Variants in PABPC4 observed in about 807,000 individuals in gnomAD.
PABPC4 encodes the protein polyadenylate-binding protein 4.
In PABPC4, 15 loss-of-function variants were observed where a neutral mutation model predicts 74.5. The observed-to-expected ratio is 0.20, with a 90% CI of 0.13 to 0.31. PABPC4 has a LOEUF of 0.31. Ranked by LOEUF, PABPC4 falls within the 10% of genes least tolerant of loss-of-function variation. The pLI is 1.00. For missense variants in PABPC4, 610 were observed against 853.5 expected (o/e 0.71, Z 3.55); for synonymous variants, 345 against 303.0 (o/e 1.14, Z -1.44).
intron 8 of PABPC4, 79 bp downstream of exon 8, chr1:39,565,018 CTAATAACGA>C: frequency 7.1e-7 from 1 of 1,412,614 alleles, no homozygotes; most frequent in Non-Finnish European, 9.8e-7. Flanking sequence ...TTCTAGAACT[CTAATAACGA>C]AAAATCCCTC....
At chr1:39,561,630 C>T (rs1442288840) in intron 15 of PABPC4, 55 bp downstream of exon 15, 4 of 1,244,396 alleles carry the variant, frequency 3.2e-6, no homozygotes, top group Admixed American at 3.5e-5. Context: ...ACCACAAAGA[C>T]AATGCTCATA....
In PABPC4 at chr1:39,572,546, CT is replaced by C. The variant is rs1292817862; in HGVS notation, c.233del (p.Lys78ArgfsTer16). The C allele has an allele frequency of 6.2e-7, 1 of 1,613,962 alleles. No homozygotes were observed. Among genetic ancestry groups the C allele is most frequent in the African/African-American group, 1.3e-5 (1 of 74,902 alleles). Reference sequence around the variant, plus strand: ...ACCACATGATGCGGATTGGCTTTCCCTTAATCACATCAAAGTTCATGGTGTC... The same window carrying C: ...ACCACATGATGCGGATTGGCTTTCCCTAATCACATCAAAGTTCATGGTGTC... ...ALDTMNFDVI[K>X]GKPIRIMWSQ... On this transcript the variant is annotated frameshift_variant, in exon 2 of 16. Transcript: ENST00000372858. LOFTEE classifies it high-confidence loss of function.
In PABPC4 at chr1:39,575,989, A is replaced by T. The variant is rs894794893; in HGVS notation, c.-38T>A. On this transcript the variant is annotated 5_prime_UTR_variant, in exon 1 of 16. Coordinates refer to ENST00000372858, the MANE Select transcript of PABPC4 (RefSeq NM_001135653.2). ...CACCACCCCGAGCCCCGCCAGGAGG[A>T]CTTCTTATCGGGCCCGCCGCAGGAC... 4 of 1,354,488 alleles carry T rather than the reference A, an allele frequency of 3.0e-6. No individual in the cohort carries two copies. The South Asian group carries it at 5.9e-5, about 20-fold the overall frequency. 83.9% of individuals were successfully genotyped at this position (1,354,488 alleles called of 1,614,324 possible).
chr1:39,565,105 C>G lies in PABPC4; in HGVS notation c.1245+1G>C. On this transcript the variant is annotated splice_donor_variant, in intron 8 of 15. Coordinates refer to ENST00000372858, the MANE Select transcript of PABPC4 (RefSeq NM_001135653.2). LOFTEE classifies it high-confidence loss of function. ...GAGCTGTGACCAAACAGCACACCCA[C>G]CTGTGGGACTGCTGGCACAAAGTAG... is the stretch of plus-strand genomic sequence containing the variant. 6.2e-7 allele frequency: 1 copy of G among 1,613,612 alleles called. No homozygotes were observed. Among genetic ancestry groups the G allele is most frequent in the Non-Finnish European group, 8.5e-7 (1 of 1,179,962 alleles).
Position 39,575,986 on chromosome 1 carries a change from A to C in PABPC4, c.-35T>G. ...CCCCACCACCCCGAGCCCCGCCAGG[A>C]GGACTTCTTATCGGGCCCGCCGCAG... On this transcript the variant is annotated 5_prime_UTR_variant, in exon 1 of 16. Transcript: ENST00000372858. The C allele has an allele frequency of 1.2e-5, 17 of 1,374,668 alleles. No individual in the cohort carries two copies. Among genetic ancestry groups the C allele is most frequent in the Non-Finnish European group, 1.7e-5 (17 of 1,029,814 alleles). The allele number at this position is 1,374,668 out of a possible 1,614,324, so 85.2% of individuals were successfully genotyped here. A position where few individuals can be genotyped will look rare whatever the true frequency, so the allele number is the denominator to read the frequency against.
In PABPC4 at chr1:39,564,424, G is replaced by A. The variant is rs768334512; in HGVS notation, c.1452C>T (p.Val484=). 12 of 1,613,470 alleles carry A rather than the reference G, an allele frequency of 7.4e-6. No individual in the cohort carries two copies. The highest frequency in any genetic ancestry group is 6.7e-5 in the Admixed American group (4 of 59,996). Residue 484 remains valine, a splice_region_variant and synonymous_variant, in exon 10 of 16, where the codon GTC becomes GTT. Coordinates refer to ENST00000372858, the MANE Select transcript of PABPC4 (RefSeq NM_001135653.2). ...ACTTCTAAAGGCCAGTTTGCTCACC[G>A]ACTCTCTGAGTGGTAGTAGGGAGGC... ...SRGLPTTTQR[V]GSECPDRLAM... is the part of the protein sequence containing the mutation.
intron 14 of PABPC4, 121 bp downstream of exon 14, chr1:39,561,952 G>C: frequency 8.1e-7 from 1 of 1,239,854 alleles, no homozygotes; most frequent in Non-Finnish European, 1.1e-6. Flanking sequence ...CACAGTCAAG[G>C]CATGACGAGA....
intron 7 of PABPC4, 175 bp downstream of exon 7, chr1:39,567,576 T>C (rs1052066953): frequency 2.0e-5 from 14 of 696,586 alleles, no homozygotes; most frequent in Non-Finnish European, 3.5e-5. Context: ...AACAGTGTAA[T>C]GTTAACCTAA....
intron 1 of PABPC4, 52 bp downstream of exon 1, chr1:39,575,707 C>T (rs1646015225): frequency 7.0e-7 from 1 of 1,438,176 alleles, no homozygotes; most frequent in Non-Finnish European, 9.3e-7. Context: ...CAGAAGACGA[C>T]TCCCGGGGTC....
chr1:39,571,157 T>G, intron 3 of PABPC4, 77 bp downstream of exon 3: 1 of 1,606,430 alleles, frequency 6.2e-7, no homozygotes, highest in South Asian at 1.1e-5. Context: ...GTAGCCGCCT[T>G]GTGTGTGCCA....
rs1243548854 is a variant in PABPC4 at position 39,565,037 on chromosome 1, C to G, written c.1245+69G>C. The G allele has an allele frequency of 3.3e-6, 5 of 1,532,354 alleles. No individual in the cohort carries two copies. The African/African-American group carries it at 6.8e-5, about 21-fold the overall frequency. 94.9% of individuals were successfully genotyped at this position (1,532,354 alleles called of 1,614,324 possible). ...AGAACTCTAATAACGAAAAATCCCT[C>G]TCCCCAACCACTGCAGAATACTGCC... is the stretch of plus-strand genomic sequence containing the variant. On this transcript the variant is annotated intron_variant, in intron 8 of 15. Transcript: ENST00000372858.
At chr1:39,575,620 C>T in intron 1 of PABPC4, 139 bp downstream of exon 1, 3 of 639,788 alleles carry the variant, frequency 4.7e-6, no homozygotes, top group Non-Finnish European at 7.7e-6. Context: ...TCCGCGTTCT[C>T]AATCTCCGCA....
In PABPC4 at chr1:39,564,692, G is replaced by A; in HGVS notation, c.1327C>T (p.Pro443Ser). 1.2e-6 allele frequency: 2 copies of A among 1,613,916 alleles called. No homozygotes were observed. The highest frequency in any genetic ancestry group is 1.7e-6 in the Non-Finnish European group (2 of 1,179,878). Residue 443 changes from proline (P) to serine (S), a missense_variant, in exon 9 of 16, where the codon CCT becomes TCT. This residue lies in a region of PABPC4 where 277 missense variants were observed against 301.8 expected (regional missense o/e 0.92). Coordinates refer to ENST00000372858, the MANE Select transcript of PABPC4 (RefSeq NM_001135653.2). Reference protein sequence around the residue: ...PNPRWQQGGRPQGFQGMPSAI... With the variant: ...PNPRWQQGGRSQGFQGMPSAI... ...ACTGTTCCCCACCACCTACCTTGAG[G>A]TCTCCCACCTTGCTGCCAGCGTGGA...
chr1:39,572,329 G>C (rs963212260), intron 2 of PABPC4, 64 bp downstream of exon 2: 1 of 1,205,184 alleles, frequency 8.3e-7, no homozygotes, highest in African/African-American at 1.5e-5. Context: ...TTCTCTGTTT[G>C]GTATTTATCT....
intron 7 of PABPC4, among the ~76,000 whole-genome samples, chr1:39,566,826 G>C (rs149825133): frequency 1.8e-4 from 28 of 152,260 alleles, no homozygotes; most frequent in East Asian, 9.7e-4. Flanking sequence ...CCAGTCAAGG[G>C]GGGGGTCATA....
intron 2 of PABPC4, 142 bp downstream of exon 2, chr1:39,572,251 G>A (rs1431919161): frequency 3.0e-6 from 2 of 660,974 alleles, no homozygotes; most frequent in Non-Finnish European, 5.1e-6. Flanking sequence ...ATTACCTATG[G>A]GAACTTTTAG....
At chr1:39,566,871 C>G (rs981971441) in intron 7 of PABPC4, among the ~76,000 whole-genome samples, 2 of 152,206 alleles carry the variant, frequency 1.3e-5, no homozygotes, top group Admixed American at 1.3e-4. Context: ...GGCAAACCCA[C>G]AGTTGGCCTC....
At position 39,565,232 on chromosome 1, in the gene PABPC4, C is replaced by T; in HGVS notation, c.1119G>A (p.Glu373=). Reference sequence around the variant, plus strand: ...ACTGGTTGGTCAGGTGAGCCTTTCTCTCTTCCTTCCTCTGGGCCAGGGCAA... The same window carrying T: ...ACTGGTTGGTCAGGTGAGCCTTTCTTTCTTCCTTCCTCTGGGCCAGGGCAA... ...LYVALAQRKE[E]RKAHLTNQYM... Residue 373 remains glutamate (E), a synonymous_variant, in exon 8 of 16, where the codon GAG becomes GAA. Transcript: ENST00000372858. The T allele has an allele frequency of 6.2e-7, 1 of 1,614,220 alleles. No homozygotes were observed. The highest frequency in any genetic ancestry group is 1.3e-5 in the African/African-American group (1 of 75,062).
intron 2 of PABPC4, among the ~76,000 whole-genome samples, chr1:39,571,998 C>T (rs1645948583): frequency 6.6e-6 from 1 of 152,212 alleles, no homozygotes. Flanking sequence ...ATATACACCA[C>T]CACCGTTTAA....
Sources: gnomAD v4.1 joint callset for allele counts (sites outside exome capture counted in the v4.1 genomes callset) on GRCh38, gnomAD v4.1.1 for gene constraint, gnomAD v4.1.1 regional missense constraint, MANE v1.5 for transcripts, NCBI Gene and HGNC (gene_info 2026-07-23, HGNC 2026-07-21) for gene names.